Variants in GP9 observed in about 807,000 individuals in gnomAD.
GP9 encodes the protein platelet glycoprotein IX.
For synonymous variants in GP9, 116 were observed against 116.7 expected (o/e 0.99, Z 0.04); for missense variants, 228 against 241.8 (o/e 0.94, Z 0.38).
chr3:129,059,262 T>C (rs906476308), upstream of GP9, among the ~76,000 whole-genome samples: 4 of 152,240 alleles, frequency 2.6e-5, no homozygotes, highest in African/African-American at 9.6e-5. Context: ...TTGTACATGC[T>C]GAAAATAAGG....
In GP9 at chr3:129,062,046, C is replaced by T. The variant is rs555017924; in HGVS notation, c.307C>T (p.Arg103Cys). The T allele has an allele frequency of 4.9e-5, 79 of 1,613,028 alleles. No individual in the cohort carries two copies. The South Asian group carries it at 6.0e-4, about 12-fold the overall frequency. The change falls in exon 3 of 3, where the codon CGC becomes TGC. Residue 103 changes from arginine to cysteine, a missense_variant. Arg to Cys is a radical substitution (Grantham distance 180, BLOSUM62 -3). Transcript: ENST00000307395. ...CTATCTGCGCCTCTGGCTGGAGGAC[C>T]GCACGCCCGAGGCCCTGCTGCAGGT... ...LTYLRLWLED[R>C]TPEALLQVRC...
At chr3:129,058,400 C>T (rs1414939011), upstream of GP9, among the ~76,000 whole-genome samples, 1 of 152,230 alleles carries the variant, frequency 6.6e-6, no homozygotes, top group East Asian at 1.9e-4. Context: ...ATCAGCAGGA[C>T]CTGTTTTCTG....
At chr3:129,055,714 G>A in the GP9 span, among the ~76,000 whole-genome samples, 5 of 150,444 alleles carry the variant, frequency 3.3e-5, no homozygotes, top group East Asian at 5.9e-4. Context: ...GTACAATCTC[G>A]GCTCACTGCA....
chr3:129,056,854 T>C (rs1032983145), upstream of GP9, among the ~76,000 whole-genome samples: 1 of 152,068 alleles, frequency 6.6e-6, no homozygotes. Context: ...GTGAGGGACA[T>C]GGCTAGCCTA....
upstream of GP9, among the ~76,000 whole-genome samples, chr3:129,057,519 T>C (rs1313090579): frequency 1.3e-5 from 2 of 151,960 alleles, no homozygotes; most frequent in Admixed American, 1.3e-4. Flanking sequence ...GGTCAAGAAA[T>C]AGGCAGGGGC....
At chr3:129,056,960 G>A (rs1254052310), upstream of GP9, among the ~76,000 whole-genome samples, 4 of 152,226 alleles carry the variant, frequency 2.6e-5, no homozygotes, top group Admixed American at 1.3e-4. Flanking sequence ...AAGACATGGA[G>A]CAGGAGTGTA....
upstream of GP9, among the ~76,000 whole-genome samples, chr3:129,056,342 AAAAT>A (rs1393696745): frequency 6.6e-6 from 1 of 152,194 alleles, no homozygotes; most frequent in African/African-American, 2.4e-5. Flanking sequence ...ACACAGGCTA[AAAAT>A]GCTACCTAAT....
At chr3:129,056,702 C>G (rs532352530), upstream of GP9, among the ~76,000 whole-genome samples, 1 of 152,280 alleles carries the variant, frequency 6.6e-6, no homozygotes, top group South Asian at 2.1e-4. Context: ...TGGGTGAGTG[C>G]GTCGAGGAGG....
Position 129,062,358 on chromosome 3 carries a change from A to C in GP9, c.*85A>C, listed in dbSNP as rs1338266545. ...AGACTCCACCAAGCCTGGTCAGCCC[A>C]AACCACCAGAAGCCCAGAATAAACT... On this transcript the variant is annotated 3_prime_UTR_variant, in exon 3 of 3. Transcript: ENST00000307395. The C allele has an allele frequency of 1.1e-6, 1 of 921,202 alleles. No individual in the cohort carries two copies. The highest frequency in any genetic ancestry group is 1.6e-6 in the Non-Finnish European group (1 of 609,902). The allele number at this position is 921,202 out of a possible 1,614,324, so 57.1% of individuals were successfully genotyped here.
chr3:129,061,886 G>T lies in GP9; in HGVS notation c.147G>T (p.Leu49=), dbSNP rs779808233. ...RGHGLTALPA[L]PARTRHLLLA... is the part of the protein sequence containing the mutation. ...ACGGACTCACGGCCCTGCCTGCCCTGCCGGCCCGCACCCGCCACCTTCTGC... is the reference window on the plus strand; with the variant it reads ...ACGGACTCACGGCCCTGCCTGCCCTTCCGGCCCGCACCCGCCACCTTCTGC... The change falls in exon 3 of 3, where the codon CTG becomes CTT. Residue 49 remains leucine, a synonymous_variant. Coordinates refer to ENST00000307395, the MANE Select transcript of GP9 (RefSeq NM_000174.5). The T allele has an allele frequency of 1.9e-6, 3 of 1,613,422 alleles. No individual in the cohort carries two copies. The Admixed American group carries it at 5.0e-5, about 27-fold the overall frequency.
In GP9 at chr3:129,061,568, C is replaced by T. The variant is rs1159745706; in HGVS notation, c.-64C>T. 3.0e-6 allele frequency: 2 copies of T among 664,762 alleles called. No individual in the cohort carries two copies. The highest frequency in any genetic ancestry group is 2.1e-5 in the Admixed American group (1 of 46,746). The allele number at this position is 664,762 out of a possible 1,614,324, so 41.2% of individuals were successfully genotyped here. A position where few individuals can be genotyped will look rare whatever the true frequency, so the allele number is the denominator to read the frequency against. ...CCTGGGCTGGGCACACTCCACCTTC[C>T]CTAGTCACCAGCTGGTTTCCCAGAG... is the stretch of plus-strand genomic sequence containing the variant. On this transcript the variant is annotated 5_prime_UTR_variant, in exon 2 of 3. Transcript: ENST00000307395.
Position 129,060,825 on chromosome 3 carries a change from G to GT in GP9, c.-164_-163insT, listed in dbSNP as rs1946566654. On this transcript the variant is annotated 5_prime_UTR_variant, in exon 1 of 3. Coordinates refer to ENST00000307395, the MANE Select transcript of GP9 (RefSeq NM_000174.5). ...CAGCCAGGACCTTTCAGGCCAGACA[G>GT]GAGCACCTGACCAAAGGCTTCACAG... The GT allele has an allele frequency of 6.6e-6, 1 of 152,584 alleles. No individual in the cohort carries two copies. The highest frequency in any genetic ancestry group is 1.5e-5 in the Non-Finnish European group (1 of 68,308). 9.5% of individuals were successfully genotyped at this position (152,584 alleles called of 1,614,324 possible). A position where few individuals can be genotyped will look rare whatever the true frequency, so the allele number is the denominator to read the frequency against.
upstream of GP9, among the ~76,000 whole-genome samples, chr3:129,059,990 G>A (rs1372256526): frequency 1.3e-5 from 2 of 152,154 alleles, no homozygotes; most frequent in Non-Finnish European, 2.9e-5. Flanking sequence ...GTCTCGCTCT[G>A]TCACCCAGGC....
chr3:129,059,087 G>A (rs1457644367), upstream of GP9, among the ~76,000 whole-genome samples: 1 of 152,180 alleles, frequency 6.6e-6, no homozygotes, highest in Non-Finnish European at 1.5e-5. Context: ...AATACACATG[G>A]GGAAAAAGCC....
Position 129,062,285 on chromosome 3 carries a change from A to G in GP9, c.*12A>G, listed in dbSNP as rs1946589563. ...AGGCCCTGGATTGAGCCAGGCCCCC[A>G]GAACCCCTGGCTCCAGGCCAGGGGG... On this transcript the variant is annotated 3_prime_UTR_variant, in exon 3 of 3. Transcript: ENST00000307395. 3 of 1,535,770 alleles carry G rather than the reference A, an allele frequency of 2.0e-6. No individual in the cohort carries two copies. Among genetic ancestry groups the G allele is most frequent in the Non-Finnish European group, 2.6e-6 (3 of 1,136,962 alleles).
At position 129,062,213 on chromosome 3, in the gene GP9, C is replaced by A. The variant is rs745890187; in HGVS notation, c.474C>A (p.Ala158=). The A allele has an allele frequency of 1.3e-6, 2 of 1,564,874 alleles. No homozygotes were observed. The highest frequency in any genetic ancestry group is 2.3e-5 in the South Asian group (2 of 85,894). The stretch of plus-strand genomic sequence containing the variant: ...GGGACGTGGCGCTGGTCGCCGTGGC[C>A]GCGCTGGGCCTGGCTCTTCTGGCTG... ...VLWDVALVAV[A]ALGLALLAGL... is the part of the protein sequence containing the mutation. The change falls in exon 3 of 3, where the codon GCC becomes GCA. Residue 158 remains alanine (A), a synonymous_variant. Coordinates refer to ENST00000307395, the MANE Select transcript of GP9 (RefSeq NM_000174.5).
upstream of GP9, among the ~76,000 whole-genome samples, chr3:129,059,555 C>T (rs370479053): frequency 1.7e-4 from 26 of 152,328 alleles, 1 homozygote; most frequent in South Asian, 5.0e-3. Flanking sequence ...ACCAGGCCCC[C>T]GAGCAGGTGT....
intron 1 of GP9, among the ~76,000 whole-genome samples, chr3:129,061,231 C>A (rs1356198563): frequency 1.3e-5 from 2 of 152,172 alleles, no homozygotes; most frequent in Admixed American, 6.5e-5. Flanking sequence ...CACTGAGTTC[C>A]CCTCCCTGCT....
chr3:129,061,797 T>A lies in GP9; in HGVS notation c.58T>A (p.Cys20Ser). ...LWATAEATKD[C>S]PSPCTCRALE... is the part of the protein sequence containing the mutation. The stretch of plus-strand genomic sequence containing the variant: ...GGCCACAGCAGAGGCCACCAAGGAC[T>A]GCCCCAGCCCATGTACCTGCCGCGC... The change falls in exon 3 of 3, where the codon TGC becomes AGC. Residue 20 changes from cysteine to serine, a missense_variant. Transcript: ENST00000307395. The A allele has an allele frequency of 6.2e-7, 1 of 1,613,086 alleles. No individual in the cohort carries two copies.
Sources: allele counts gnomAD v4.1 joint callset (sites outside exome capture counted in the v4.1 genomes callset), GRCh38; gene constraint gnomAD v4.1.1; transcripts MANE v1.5; gene names NCBI Gene and HGNC (gene_info 2026-07-23, HGNC 2026-07-21).